FAF1: variants seen among roughly 807,000 people sequenced by gnomAD.
The protein encoded by FAF1 is Fas associated factor 1, also known as FAS-associated factor 1.
In FAF1, 25 loss-of-function variants were observed where a neutral mutation model predicts 92.5. The observed-to-expected ratio is 0.27, with a 90% CI of 0.20 to 0.38. The LOEUF (loss-of-function observed/expected upper bound fraction) is 0.38, where lower values mean the gene tolerates loss of function less well. Ranked by LOEUF, FAF1 falls within the 10% of genes least tolerant of loss-of-function variation. FAF1 has a pLI of 1.00. For missense variants in FAF1, 636 were observed against 793.3 expected (o/e 0.80, Z 2.38); for synonymous variants, 234 against 273.2 (o/e 0.86, Z 1.42).
intron 6 of FAF1, among the ~76,000 whole-genome samples, chr1:50,724,376 G>A (rs1467193623): frequency 2.6e-5 from 4 of 151,498 alleles, no homozygotes; most frequent in Admixed American, 2.6e-4. Flanking sequence ...ACGAGGGCTA[G>A]GAGCACAGGT....
intron 15 of FAF1, among the ~76,000 whole-genome samples, chr1:50,503,183 G>A (rs936808090): frequency 1.3e-5 from 2 of 152,032 alleles, no homozygotes; most frequent in East Asian, 1.9e-4. Flanking sequence ...AAATATAAAG[G>A]TTAAATTATC....
intron 18 of FAF1, among the ~76,000 whole-genome samples, chr1:50,466,749 T>C (rs1403106305): frequency 2.0e-5 from 3 of 152,130 alleles, no homozygotes; most frequent in Non-Finnish European, 2.9e-5. Context: ...GGTATTCCAG[T>C]TTTATATATC....
At chr1:50,849,656 C>T (rs1342862933) in intron 2 of FAF1, among the ~76,000 whole-genome samples, 2 of 152,044 alleles carry the variant, frequency 1.3e-5, no homozygotes, top group Non-Finnish European at 2.9e-5. Context: ...AGGCTACTAA[C>T]CTCTAGACTA....
chr1:50,949,777 G>A (rs539554332), intron 1 of FAF1, among the ~76,000 whole-genome samples: 112 of 152,218 alleles, frequency 7.4e-4, no homozygotes, highest in Middle Eastern at 3.4e-3. Flanking sequence ...TCAGTCCCAC[G>A]GCTGCCAAGT....
intron 8 of FAF1, among the ~76,000 whole-genome samples, chr1:50,617,948 G>A (rs1013024582): frequency 2.0e-5 from 3 of 152,072 alleles, no homozygotes; most frequent in Admixed American, 6.6e-5. Context: ...TGTGCATAGA[G>A]TTGTTCATAG....
chr1:50,442,088 T>TA (rs1052182663), intron 18 of FAF1, among the ~76,000 whole-genome samples: 16 of 151,762 alleles, frequency 1.1e-4, no homozygotes, highest in African/African-American at 2.2e-4. Flanking sequence ...TTTTAAAAAT[T>TA]AAAAAAAATC....
chr1:50,801,703 AT>A, intron 2 of FAF1, 26 bp from the exon 3 acceptor site: 1 of 1,492,538 alleles, frequency 6.7e-7, no homozygotes, highest in Non-Finnish European at 9.3e-7. Flanking sequence ...AGAGAAGGCC[AT>A]TTAAAGAAAC....
At chr1:50,514,491 A>G (rs1647182921) in intron 15 of FAF1, among the ~76,000 whole-genome samples, 1 of 152,228 alleles carries the variant, frequency 6.6e-6, no homozygotes, top group Non-Finnish European at 1.5e-5. Flanking sequence ...AGCCTTTAAT[A>G]TAATGTTAGA....
At chr1:50,539,262 A>G (rs190689998) in intron 14 of FAF1, among the ~76,000 whole-genome samples, 3 of 152,344 alleles carry the variant, frequency 2.0e-5, no homozygotes, top group Admixed American at 2.0e-4. Context: ...AATCAACATT[A>G]TAACAATAAA....
At chr1:50,562,838 CTTCTGCATCTGTGGG>C (rs370423156) in intron 13 of FAF1, among the ~76,000 whole-genome samples, 19 of 152,270 alleles carry the variant, frequency 1.2e-4, no homozygotes, top group South Asian at 4.2e-4. Context: ...CACAGTTGGT[CTTCTGCATCTGTGGG>C]TTCTGCATCT....
chr1:50,549,562 G>A (rs1336896390), intron 13 of FAF1, among the ~76,000 whole-genome samples: 1 of 152,038 alleles, frequency 6.6e-6, no homozygotes, highest in Non-Finnish European at 1.5e-5. Flanking sequence ...GGCGGACCAC[G>A]AGGTCAGTTC....
intron 4 of FAF1, among the ~76,000 whole-genome samples, chr1:50,762,079 C>T (rs1300831630): frequency 6.6e-6 from 1 of 152,140 alleles, no homozygotes; most frequent in African/African-American, 2.4e-5. Flanking sequence ...TGAGTGAACT[C>T]CCATTCACAA....
chr1:50,877,624 T>G (rs577039252), intron 1 of FAF1, among the ~76,000 whole-genome samples: 1 of 152,270 alleles, frequency 6.6e-6, no homozygotes, highest in African/African-American at 2.4e-5. Context: ...ATATTACATA[T>G]GTAATATATG....
rs112186417 is a variant in FAF1 at position 50,736,772 on chromosome 1, A to G, written c.551+2091T>C. On this transcript the variant is annotated intron_variant, in intron 6 of 18. Coordinates refer to ENST00000396153, the MANE Select transcript of FAF1 (RefSeq NM_007051.3). ...GTCTCCAAAAAAAGAAAGAAAGAAA[A>G]AAAAAAGATGTCAAAATATTTTTAT... Among the ~76,000 whole-genome samples, 432 of 152,176 alleles carry G rather than the reference A, an allele frequency of 2.8e-3. 4 individuals are homozygous for G. The highest frequency in any genetic ancestry group is 9.8e-3 in the African/African-American group (407 of 41,546).
intron 2 of FAF1, among the ~76,000 whole-genome samples, chr1:50,837,005 T>C (rs1644212394): frequency 7.3e-6 from 1 of 137,088 alleles, no homozygotes. Context: ...TCGCCCAGGC[T>C]GGAGTGCAGT....
At chr1:50,631,531 G>C (rs528745510) in intron 8 of FAF1, among the ~76,000 whole-genome samples, 1 of 152,204 alleles carries the variant, frequency 6.6e-6, no homozygotes, top group East Asian at 1.9e-4. Context: ...AGTGATGTTG[G>C]CAATTCAGAT....
At chr1:50,651,134 GA>G (rs1319493909) in intron 8 of FAF1, among the ~76,000 whole-genome samples, 1 of 152,188 alleles carries the variant, frequency 6.6e-6, no homozygotes, top group Non-Finnish European at 1.5e-5. Flanking sequence ...TTGATTACAA[GA>G]GGTCTATTTC....
At chr1:50,889,381 C>T (rs1188418625) in intron 1 of FAF1, among the ~76,000 whole-genome samples, 3 of 152,174 alleles carry the variant, frequency 2.0e-5, no homozygotes, top group Admixed American at 6.5e-5. Context: ...CTGCTCTGAT[C>T]TTAGTTATTT....
chr1:50,804,194 A>C (rs1302365470), intron 2 of FAF1, among the ~76,000 whole-genome samples: 1 of 152,222 alleles, frequency 6.6e-6, no homozygotes, highest in Non-Finnish European at 1.5e-5. Context: ...CGTAGGACCA[A>C]GTATATTCAA....
Sources: gnomAD v4.1 joint callset for allele counts (sites outside exome capture counted in the v4.1 genomes callset) on GRCh38, gnomAD v4.1.1 for gene constraint, MANE v1.5 for transcripts, NCBI Gene and HGNC (gene_info 2026-07-23, HGNC 2026-07-21) for gene names.